The following ANKRD12 variants were observed in gnomAD, a reference collection of about 807,000 sequenced individuals.
ANKRD12 encodes the protein ankyrin repeat domain 12, also known as ankyrin repeat domain-containing protein 12.
Under a neutral mutation model 183.4 loss-of-function variants are expected in ANKRD12, and 85 were observed. The observed-to-expected ratio is 0.46, with a 90% confidence interval of 0.39 to 0.56. The LOEUF (loss-of-function observed/expected upper bound fraction) is 0.56. Among genes scored for constraint, ANKRD12 ranks in the 20% least tolerant of loss-of-function variants. The pLI is 0.00. For synonymous variants in ANKRD12, 914 were observed against 800.2 expected, an observed-to-expected ratio of 1.14 and a Z score of -2.40; for missense variants, 2,405 against 2,357.1, an observed-to-expected ratio of 1.02 and a Z score of -0.42.
At chr18:9,212,166 T>C (rs1384928708) in intron 6 of ANKRD12, among the ~76,000 whole-genome samples, 2 of 152,086 alleles carry the variant, frequency 1.3e-5, no homozygotes, top group African/African-American at 4.8e-5. Context: ...GTTATTACTT[T>C]CATTTTCATT....
intron 7 of ANKRD12, among the ~76,000 whole-genome samples, chr18:9,218,599 C>T (rs1047860143): frequency 2.6e-5 from 4 of 151,886 alleles, no homozygotes; most frequent in Admixed American, 6.6e-5. Flanking sequence ...ATTAACATAG[C>T]TTACTAAGAA....
intron 6 of ANKRD12, among the ~76,000 whole-genome samples, chr18:9,214,272 G>A (rs2035968690): frequency 1.3e-5 from 2 of 152,052 alleles, no homozygotes; most frequent in African/African-American, 4.8e-5. Context: ...TAAAACATAT[G>A]CATACAGACA....
At chr18:9,146,163 C>A (rs1310450003) in intron 1 of ANKRD12, among the ~76,000 whole-genome samples, 3 of 152,128 alleles carry the variant, frequency 2.0e-5, no homozygotes, top group African/African-American at 4.8e-5. Flanking sequence ...TAATGTAATT[C>A]CTTTAGTAAA....
At chr18:9,210,023 G>GTA (rs2035703564) in intron 5 of ANKRD12, among the ~76,000 whole-genome samples, 1 of 151,322 alleles carries the variant, frequency 6.6e-6, no homozygotes, top group African/African-American at 2.4e-5. Context: ...TTCTTTTTTA[G>GTA]TATAAATAGG....
Position 9,284,539 on chromosome 18 carries a change from TA to T in ANKRD12, c.*3414del, listed in dbSNP as rs2040181721. The T allele has an allele frequency of 6.6e-6, 1 of 151,126 alleles. No individual in the cohort carries two copies. Among genetic ancestry groups the T allele is most frequent in the Admixed American group, 6.6e-5 (1 of 15,234 alleles). The allele number at this position is 151,126 out of a possible 1,614,324, so 9.4% of individuals were successfully genotyped here. A position where few individuals can be genotyped will look rare whatever the true frequency, so the allele number is the denominator to read the frequency against. ...ACCGTTTGTAAAAATTATTTTTAAATATTTAGGGCAAAATTTTTGTTAGATA... is the reference window on the plus strand; with the variant it reads ...ACCGTTTGTAAAAATTATTTTTAAATTTTAGGGCAAAATTTTTGTTAGATA... On this transcript the variant is annotated 3_prime_UTR_variant, in exon 13 of 13. Transcript: ENST00000262126.
chr18:9,241,516 G>A (rs988864225), intron 8 of ANKRD12, among the ~76,000 whole-genome samples: 2 of 152,136 alleles, frequency 1.3e-5, no homozygotes, highest in Non-Finnish European at 2.9e-5. Context: ...TTCTGAGGTT[G>A]TTGAATAGCA....
At chr18:9,206,405 C>T (rs1283279352) in intron 4 of ANKRD12, among the ~76,000 whole-genome samples, 2 of 151,872 alleles carry the variant, frequency 1.3e-5, no homozygotes, top group East Asian at 3.9e-4. Flanking sequence ...CATTTTTTTA[C>T]TTATGATGGG....
At chr18:9,184,735 A>G (rs943166538) in intron 2 of ANKRD12, among the ~76,000 whole-genome samples, 2 of 152,228 alleles carry the variant, frequency 1.3e-5, no homozygotes, top group Non-Finnish European at 2.9e-5. Context: ...CATTTAAAGT[A>G]TACAATTCAG....
At position 9,258,563 on chromosome 18, in the gene ANKRD12, TCTC is replaced by T. The variant is rs776010555; in HGVS notation, c.5299_5301del (p.Pro1767del). 8.7e-6 allele frequency: 14 copies of T among 1,613,812 alleles called. No individual in the cohort carries two copies. The highest frequency in any genetic ancestry group is 7.7e-5 in the South Asian group (7 of 91,050). ...ATCAGAAAAAGACAGTGAATCCTCA[TCTC>T]CTAGAGGAAGAATAAGATTAACTGA... On this transcript the variant is annotated inframe_deletion, in exon 9 of 13. Transcript: ENST00000262126.
At chr18:9,176,226 G>A (rs1003662665) in intron 1 of ANKRD12, among the ~76,000 whole-genome samples, 2 of 152,052 alleles carry the variant, frequency 1.3e-5, no homozygotes, top group Non-Finnish European at 2.9e-5. Context: ...GAAAATTTTA[G>A]TTTTGGTTAT....
chr18:9,232,918 C>T (rs144676467), intron 8 of ANKRD12, among the ~76,000 whole-genome samples: 2,397 of 151,294 alleles, frequency 0.016, 66 homozygotes, highest in African/African-American at 0.055. Flanking sequence ...GGTGTGATCT[C>T]GGCTCACTAC....
intron 6 of ANKRD12, among the ~76,000 whole-genome samples, chr18:9,212,762 A>G (rs950078209): frequency 9.9e-5 from 15 of 152,032 alleles, no homozygotes; most frequent in African/African-American, 3.6e-4. Flanking sequence ...TATCTTCAGT[A>G]AAACTGGATA....
At chr18:9,179,915 G>T (rs1027574476) in intron 1 of ANKRD12, among the ~76,000 whole-genome samples, 9 of 152,320 alleles carry the variant, frequency 5.9e-5, no homozygotes, top group Non-Finnish European at 2.9e-5. Context: ...CTATCTTGGG[G>T]AGTATTCTGT....
intron 1 of ANKRD12, among the ~76,000 whole-genome samples, chr18:9,165,371 G>A (rs1412194977): frequency 6.6e-6 from 1 of 151,964 alleles, no homozygotes; most frequent in Non-Finnish European, 1.5e-5. Flanking sequence ...ATAGAATTTG[G>A]CACTTTAGCT....
intron 5 of ANKRD12, among the ~76,000 whole-genome samples, chr18:9,210,558 TA>T (rs1213382551): frequency 1.6e-4 from 25 of 151,570 alleles, no homozygotes; most frequent in Non-Finnish European, 2.7e-4. Context: ...CTGTCTCTAC[TA>T]AAAAATACAA....
chr18:9,193,833 T>A (rs1158528934), intron 2 of ANKRD12, among the ~76,000 whole-genome samples: 2 of 152,236 alleles, frequency 1.3e-5, no homozygotes, highest in African/African-American at 4.8e-5. Flanking sequence ...GCAGTGTGGC[T>A]TAGTTCTCAG....
intron 1 of ANKRD12, among the ~76,000 whole-genome samples, chr18:9,140,721 T>C (rs1745449688): frequency 6.6e-6 from 1 of 152,192 alleles, no homozygotes; most frequent in Non-Finnish European, 1.5e-5. Context: ...TTGCCTTTGC[T>C]GTTAAGTTTG....
chr18:9,228,642 A>AT (rs1178501586), intron 8 of ANKRD12, among the ~76,000 whole-genome samples: 1 of 152,012 alleles, frequency 6.6e-6, no homozygotes, highest in African/African-American at 2.4e-5. Context: ...TCCTTTGCCC[A>AT]TTTTTTAATG....
chr18:9,234,307 G>T (rs1567947078), intron 8 of ANKRD12, among the ~76,000 whole-genome samples: 1 of 152,128 alleles, frequency 6.6e-6, no homozygotes, highest in Non-Finnish European at 1.5e-5. Flanking sequence ...CTACATGTGA[G>T]CCCAGGCACA....
Sources: gnomAD v4.1 joint callset for allele counts (sites outside exome capture counted in the v4.1 genomes callset) on GRCh38, gnomAD v4.1.1 for gene constraint, MANE v1.5 for transcripts, NCBI Gene and HGNC (gene_info 2026-07-23, HGNC 2026-07-21) for gene names.